Variants in CLEC12B observed in about 807,000 individuals in gnomAD.
CLEC12B encodes the protein macrophage antigen h.
In CLEC12B, 25 loss-of-function variants were observed where a neutral mutation model predicts 36.1. The ratio of observed to expected loss-of-function variants is 0.69; its 90% CI spans 0.50 to 0.97. The LOEUF is 0.97. Among genes scored for constraint, CLEC12B ranks in the 50% least tolerant of loss-of-function variants. The probability of loss-of-function intolerance (pLI) is 0.00; values close to 1 mark genes in which losing one functional copy is unlikely to be tolerated. For synonymous variants in CLEC12B, 110 were observed against 108.5 expected (o/e 1.01, Z -0.09); for missense variants, 325 against 318.4 (o/e 1.02, Z -0.16).
chr12:10,017,027 A>C (rs1157987197), intron 5 of CLEC12B: 1 of 984,504 alleles, frequency 1.0e-6, no homozygotes, highest in Non-Finnish European at 1.2e-6. Context: ...TCTTCTGTCA[A>C]AGATGCCATG....
Position 10,014,723 on chromosome 12 carries a change from C to G in CLEC12B, c.391C>G (p.Leu131Val). ...EQMAIKLCQELIIHTSDHRCN... is the reference protein window; with the variant it reads ...EQMAIKLCQEVIIHTSDHRCN... ...AATGGCCATCAAACTGTGCCAAGAG[C>G]TAATCATTCATACTTCAGGTAATCA... is the stretch of plus-strand genomic sequence containing the variant. Residue 131 changes from leucine (L) to valine (V), a missense_variant, in exon 3 of 6, where the codon CTA becomes GTA. Coordinates refer to ENST00000338896, the MANE Select transcript of CLEC12B (RefSeq NM_001129998.3). The G allele has an allele frequency of 6.2e-7, 1 of 1,612,572 alleles. No homozygotes were observed. The highest frequency in any genetic ancestry group is 8.5e-7 in the Non-Finnish European group (1 of 1,178,806).
intron 5 of CLEC12B, chr12:10,016,004 C>T (rs186030326): frequency 1.8e-6 from 2 of 1,107,672 alleles, no homozygotes; most frequent in South Asian, 6.5e-5. Flanking sequence ...AATACTAACC[C>T]TTGAAGAAAG....
chr12:10,009,374 AT>A (rs1353145281), upstream of CLEC12B, among the ~76,000 whole-genome samples: 1 of 152,114 alleles, frequency 6.6e-6, no homozygotes, highest in Non-Finnish European at 1.5e-5. Context: ...ACCATTCTTA[AT>A]TTCTTATTTT....
chr12:10,014,395 CATG>C, intron 2 of CLEC12B, 125 bp from the exon 3 acceptor site: 1 of 630,402 alleles, frequency 1.6e-6, no homozygotes, highest in Non-Finnish European at 2.7e-6. Flanking sequence ...TTGTTTCTTT[CATG>C]ATACCTCAAA....
upstream of CLEC12B, among the ~76,000 whole-genome samples, chr12:10,007,558 T>A (rs1033594388): frequency 6.6e-6 from 1 of 152,138 alleles, no homozygotes; most frequent in Non-Finnish European, 1.5e-5. Flanking sequence ...AAAAGCCAGG[T>A]TATCCGTTTA....
In CLEC12B at chr12:10,013,187, A is replaced by G. The variant is rs556706400; in HGVS notation, c.190+304A>G. 4.4e-4 allele frequency: 154 copies of G among 346,788 alleles called. 2 individuals are homozygous for G. The highest frequency in any genetic ancestry group is 3.8e-3 in the South Asian group (130 of 34,562). 21.5% of individuals were successfully genotyped at this position (346,788 alleles called of 1,614,324 possible). ...CTGCCTAGACACACATTCACTTATC[A>G]TTCCAATGCTGAGAAATAAAGTCAA... On this transcript the variant is annotated intron_variant, in intron 2 of 5. Transcript: ENST00000338896.
intron 1 of CLEC12B, 74 bp from the exon 2 acceptor site, chr12:10,012,711 G>C: frequency 8.5e-7 from 1 of 1,176,862 alleles, no homozygotes; most frequent in East Asian, 2.4e-5. Flanking sequence ...CCCTAAGTGG[G>C]AGAAATAAAC....
upstream of CLEC12B, among the ~76,000 whole-genome samples, chr12:10,007,714 T>C (rs1865247523): frequency 6.6e-6 from 1 of 152,200 alleles, no homozygotes; most frequent in Admixed American, 6.5e-5. Flanking sequence ...TAAAACCAGT[T>C]AATATGATCA....
Position 10,010,791 on chromosome 12 carries a change from C to A in CLEC12B, c.32C>A (p.Thr11Lys). The change falls in exon 1 of 6, where the codon ACA becomes AAA. Residue 11 changes from threonine (T) to lysine (K), a missense_variant. Transcript: ENST00000338896. MSEEVTYATL[T>K]FQDSAGARNN... ...GAAGAAGTGACCTACGCGACACTCA[C>A]ATTTCAGGATTCTGCTGGAGCAAGG... is the stretch of plus-strand genomic sequence containing the variant. The A allele has an allele frequency of 1.2e-6, 2 of 1,610,738 alleles. No homozygotes were observed. Among genetic ancestry groups the A allele is most frequent in the South Asian group, 1.1e-5 (1 of 91,018 alleles).
Position 10,012,887 on chromosome 12 carries a change from A to C in CLEC12B, c.190+4A>C. On this transcript the variant is annotated splice_donor_region_variant and intron_variant, in intron 2 of 5. Transcript: ENST00000338896. ...CTGGTGACATTGGGGATGATGTGTA[A>C]GTATATCAGCATCAAACCCAACAAA... 1 of 1,596,566 alleles carries C rather than the reference A, an allele frequency of 6.3e-7. No individual in the cohort carries two copies. The highest frequency in any genetic ancestry group is 8.6e-7 in the Non-Finnish European group (1 of 1,164,106).
chr12:10,010,200 T>TCA (rs3053772), upstream of CLEC12B, among the ~76,000 whole-genome samples: 1,982 of 145,842 alleles, frequency 0.014, 15 homozygotes, highest in African/African-American at 0.025. Flanking sequence ...TGTCTCTCTC[T>TCA]CACACACACA....
intron 5 of CLEC12B, chr12:10,016,834 T>C (rs1865497515): frequency 4.4e-6 from 1 of 229,378 alleles, no homozygotes; most frequent in Non-Finnish European, 7.2e-6. Context: ...TTGTTAATTG[T>C]ATTCACCCTA....
At chr12:10,011,215 T>C (rs1292124336) in intron 1 of CLEC12B, among the ~76,000 whole-genome samples, 2 of 152,132 alleles carry the variant, frequency 1.3e-5, no homozygotes, top group Admixed American at 6.5e-5. Flanking sequence ...GCTTCTAAAA[T>C]AGAGAAGGTA....
At chr12:10,015,768 G>A in intron 5 of CLEC12B, 41 bp downstream of exon 5, 1 of 1,605,160 alleles carries the variant, frequency 6.2e-7, no homozygotes, top group Non-Finnish European at 8.5e-7. Flanking sequence ...AGCTTTCCAT[G>A]GAATCCTGGG....
At chr12:10,015,520 T>C in intron 4 of CLEC12B, 92 bp from the exon 5 acceptor site, 1 of 1,571,536 alleles carries the variant, frequency 6.4e-7, no homozygotes, top group Non-Finnish European at 8.7e-7. Context: ...TTAGAATTAA[T>C]ACATGAATTT....
Position 10,018,586 on chromosome 12 carries a change from G to C in CLEC12B, c.*105G>C. 1 of 879,890 alleles carries C rather than the reference G, an allele frequency of 1.1e-6. No individual in the cohort carries two copies. The highest frequency in any genetic ancestry group is 1.8e-6 in the Non-Finnish European group (1 of 569,204). The allele number at this position is 879,890 out of a possible 1,614,324, so 54.5% of individuals were successfully genotyped here. ...AGCCAAACCAGCTTTTAAAATGACTGTGTATTTACATTATCAGACAAATGA... is the reference window on the plus strand; with the variant it reads ...AGCCAAACCAGCTTTTAAAATGACTCTGTATTTACATTATCAGACAAATGA... On this transcript the variant is annotated 3_prime_UTR_variant, in exon 6 of 6. Transcript: ENST00000338896.
rs142428871 is a variant in CLEC12B, at chr12:10,015,736, C to G, written c.680+9C>G. ...GTTCCCTCTCCATCCTTGTACGTCTCTAACTATTGAGGGTAAACACAAGCT... is the reference window on the plus strand; with the variant it reads ...GTTCCCTCTCCATCCTTGTACGTCTGTAACTATTGAGGGTAAACACAAGCT... On this transcript the variant is annotated intron_variant, in intron 5 of 5. Coordinates refer to ENST00000338896, the MANE Select transcript of CLEC12B (RefSeq NM_001129998.3). 40 of 1,613,020 alleles carry G rather than the reference C, an allele frequency of 2.5e-5. No individual in the cohort carries two copies. Among genetic ancestry groups the G allele is most frequent in the Non-Finnish European group, 3.1e-5 (37 of 1,179,488 alleles).
chr12:10,016,738 C>T (rs145463425), intron 5 of CLEC12B: 3 of 175,154 alleles, frequency 1.7e-5, no homozygotes, highest in East Asian at 1.9e-4. Flanking sequence ...ATTGGGATAT[C>T]GATCACTTTA....
At chr12:10,018,240 C>T in intron 5 of CLEC12B, 91 bp from the exon 6 acceptor site, 1 of 805,472 alleles carries the variant, frequency 1.2e-6, no homozygotes, top group South Asian at 2.3e-5. Flanking sequence ...TATTCAGATA[C>T]ATGACATTGG....
Sources: gnomAD v4.1 joint callset for allele counts (sites outside exome capture counted in the v4.1 genomes callset) on GRCh38, gnomAD v4.1.1 for gene constraint, MANE v1.5 for transcripts, NCBI Gene and HGNC (gene_info 2026-07-23, HGNC 2026-07-21) for gene names.